ARHGAP24: variants seen among roughly 807,000 people sequenced by gnomAD.
The protein encoded by ARHGAP24 is rho GTPase-activating protein 24.
Under a neutral mutation model 76.4 loss-of-function variants are expected in ARHGAP24, and 50 were observed. That is an observed-to-expected ratio of 0.65 (90% CI 0.52 to 0.83). The LOEUF (loss-of-function observed/expected upper bound fraction) is 0.83. Among genes scored for constraint, ARHGAP24 ranks in the 40% least tolerant of loss-of-function variants. The pLI, the probability that ARHGAP24 is intolerant of heterozygous loss-of-function variation, is 0.00. For synonymous variants in ARHGAP24, 345 were observed against 323.3 expected (o/e 1.07, Z -0.72); for missense variants, 930 against 914.2 (o/e 1.02, Z -0.22).
intron 2 of ARHGAP24, among the ~76,000 whole-genome samples, chr4:85,665,085 C>T (rs1453209267): frequency 3.3e-5 from 5 of 151,826 alleles, no homozygotes; most frequent in South Asian, 2.1e-4. Context: ...CTTTCTGTCT[C>T]GTTTTTCTGT....
chr4:85,784,365 T>C (rs1727709073), intron 3 of ARHGAP24, among the ~76,000 whole-genome samples: 1 of 152,102 alleles, frequency 6.6e-6, no homozygotes, highest in East Asian at 1.9e-4. Flanking sequence ...GGTTTCAGTG[T>C]CTGTGTTTAT....
In ARHGAP24 at chr4:86,000,832, T is replaced by G; in HGVS notation, c.*110T>G. ...TCACCTGGATGTACAGAAGTCTAAC[T>G]GGTGAAGGAATATCATTTACAGACA... On this transcript the variant is annotated 3_prime_UTR_variant, in exon 10 of 10. Coordinates refer to ENST00000395184, the MANE Select transcript of ARHGAP24 (RefSeq NM_001025616.3). 1 of 1,487,276 alleles carries G rather than the reference T, an allele frequency of 6.7e-7. No homozygotes were observed. Among genetic ancestry groups the G allele is most frequent in the Admixed American group, 1.9e-5 (1 of 52,742 alleles). 92.1% of individuals were successfully genotyped at this position (1,487,276 alleles called of 1,614,324 possible). A position where few individuals can be genotyped will look rare whatever the true frequency, so the allele number is the denominator to read the frequency against.
Position 86,001,487 on chromosome 4 carries a change from G to GA in ARHGAP24, c.*771dup, listed in dbSNP as rs1255772372. 1 of 398,376 alleles carries GA rather than the reference G, an allele frequency of 2.5e-6. No individual in the cohort carries two copies. Among genetic ancestry groups the GA allele is most frequent in the Admixed American group, 4.4e-5 (1 of 22,714 alleles). The allele number at this position is 398,376 out of a possible 1,614,324, so 24.7% of individuals were successfully genotyped here. ...CCAATGCAGGATGCTCCTTAGAAAA[G>GA]AAAAAATGGTAAAGAATGGCATTTA... On this transcript the variant is annotated 3_prime_UTR_variant, in exon 10 of 10. Coordinates refer to ENST00000395184, the MANE Select transcript of ARHGAP24 (RefSeq NM_001025616.3).
chr4:85,725,041 A>G (rs1428575633), intron 3 of ARHGAP24, among the ~76,000 whole-genome samples: 1 of 152,198 alleles, frequency 6.6e-6, no homozygotes, highest in Non-Finnish European at 1.5e-5. Context: ...CTGCTTCTCT[A>G]AATGTGTTCT....
At chr4:85,809,895 A>G (rs1277859259) in intron 3 of ARHGAP24, among the ~76,000 whole-genome samples, 1 of 152,218 alleles carries the variant, frequency 6.6e-6, no homozygotes, top group African/African-American at 2.4e-5. Context: ...CCAAAGGTAT[A>G]TTTGAAAGCA....
intron 7 of ARHGAP24, among the ~76,000 whole-genome samples, chr4:85,976,965 T>C (rs917137864): frequency 6.6e-6 from 1 of 152,010 alleles, no homozygotes; most frequent in Non-Finnish European, 1.5e-5. Context: ...GTATTTTTTT[T>C]AGTAGAGATG....
At chr4:85,858,282 C>A (rs1356136411) in intron 3 of ARHGAP24, among the ~76,000 whole-genome samples, 3 of 152,156 alleles carry the variant, frequency 2.0e-5, no homozygotes, top group African/African-American at 7.2e-5. Context: ...CTCAGAGCCC[C>A]TGACCACATG....
intron 2 of ARHGAP24, among the ~76,000 whole-genome samples, chr4:85,660,115 T>G (rs1308222203): frequency 1.3e-5 from 2 of 152,190 alleles, no homozygotes; most frequent in African/African-American, 2.4e-5. Context: ...AACTTTGCAG[T>G]TGAGTGCCTT....
At chr4:85,991,697 C>G (rs11724577) in intron 8 of ARHGAP24, 46,003 of 153,404 alleles carry the variant, frequency 0.3, 7,709 homozygotes, top group African/African-American at 0.45. Flanking sequence ...GCCAGAGTTA[C>G]GGGCAGGGAA....
chr4:85,818,350 A>G (rs1729330816), intron 3 of ARHGAP24, among the ~76,000 whole-genome samples: 1 of 152,164 alleles, frequency 6.6e-6, no homozygotes, highest in African/African-American at 2.4e-5. Flanking sequence ...CACCACAGAA[A>G]ATACTTAAAA....
chr4:85,680,752 C>T (rs1295631195), intron 2 of ARHGAP24, among the ~76,000 whole-genome samples: 1 of 149,330 alleles, frequency 6.7e-6, no homozygotes, highest in Non-Finnish European at 1.5e-5. Context: ...TGCATTATTC[C>T]CCATTTTAAT....
intron 1 of ARHGAP24, among the ~76,000 whole-genome samples, chr4:85,508,458 G>T (rs886726568): frequency 6.6e-6 from 1 of 152,114 alleles, no homozygotes; most frequent in Non-Finnish European, 1.5e-5. Flanking sequence ...AGCTTTAAAA[G>T]AAGTGTTTCT....
rs1485880883 is a variant in ARHGAP24, at chr4:86,002,492, G to A, written c.*1770G>A. On this transcript the variant is annotated 3_prime_UTR_variant, in exon 10 of 10. Coordinates refer to ENST00000395184, the MANE Select transcript of ARHGAP24 (RefSeq NM_001025616.3). Reference sequence around the variant, plus strand: ...TCACCTATTTCCAGTCCTTATCATAGTTGATAAAAACCTCAGACTCATCCA... The same window carrying A: ...TCACCTATTTCCAGTCCTTATCATAATTGATAAAAACCTCAGACTCATCCA... 1.3e-5 allele frequency: 2 copies of A among 151,924 alleles called. No individual in the cohort carries two copies. The highest frequency in any genetic ancestry group is 2.4e-5 in the African/African-American group (1 of 41,312). 9.4% of individuals were successfully genotyped at this position (151,924 alleles called of 1,614,324 possible). A position where few individuals can be genotyped will look rare whatever the true frequency, so the allele number is the denominator to read the frequency against.
intron 2 of ARHGAP24, among the ~76,000 whole-genome samples, chr4:85,661,880 G>A (rs28708671): frequency 0.012 from 1,850 of 152,204 alleles, 44 homozygotes; most frequent in African/African-American, 0.042. Flanking sequence ...GAATTCCATG[G>A]TGTATATGTG....
intron 8 of ARHGAP24, among the ~76,000 whole-genome samples, chr4:85,982,200 AT>A (rs1185915635): frequency 6.6e-6 from 1 of 151,756 alleles, no homozygotes; most frequent in Admixed American, 6.6e-5. Context: ...TGTTGTTGTT[AT>A]TCTTTAAACT....
intron 4 of ARHGAP24, among the ~76,000 whole-genome samples, chr4:85,931,390 C>G (rs1736324215): frequency 2.6e-5 from 4 of 152,142 alleles, no homozygotes; most frequent in African/African-American, 9.7e-5. Flanking sequence ...CAGCCATGTT[C>G]TGACCCCTCA....
chr4:85,733,505 C>T (rs1458780340), intron 3 of ARHGAP24, among the ~76,000 whole-genome samples: 5 of 152,086 alleles, frequency 3.3e-5, no homozygotes, highest in Non-Finnish European at 5.9e-5. Flanking sequence ...ATTTTCTGTG[C>T]CTTTCACAAG....
At chr4:85,965,203 G>A (rs1254977755) in intron 5 of ARHGAP24, among the ~76,000 whole-genome samples, 2 of 152,114 alleles carry the variant, frequency 1.3e-5, no homozygotes, top group Non-Finnish European at 2.9e-5. Context: ...GCAAGGAGGA[G>A]CAAGTCACAT....
chr4:85,946,029 C>T (rs997701573), intron 5 of ARHGAP24, among the ~76,000 whole-genome samples: 18 of 152,084 alleles, frequency 1.2e-4, no homozygotes, highest in African/African-American at 4.1e-4. Flanking sequence ...AGGAGCAAGT[C>T]GCATCTTATG....
Sources: gnomAD v4.1 joint callset for allele counts (sites outside exome capture counted in the v4.1 genomes callset) on GRCh38, gnomAD v4.1.1 for gene constraint, MANE v1.5 for transcripts, NCBI Gene and HGNC (gene_info 2026-07-23, HGNC 2026-07-21) for gene names.